TMEM156: variants seen among roughly 807,000 people sequenced by gnomAD.
TMEM156 encodes the protein transmembrane protein 156.
TMEM156 carries 28 observed loss-of-function variants against 30.5 expected under a neutral mutation model. The observed-to-expected ratio is 0.92, with a 90% CI of 0.68 to 1.26. The LOEUF is 1.26. TMEM156 is among the 50% of genes most tolerant of loss of function. The pLI is 0.00. For missense variants in TMEM156, 351 were observed against 340.6 expected (o/e 1.03, Z -0.24); for synonymous variants, 137 against 119.9 (o/e 1.14, Z -0.93).
At chr4:38,987,105 G>C (rs1186837156) in intron 4 of TMEM156, among the ~76,000 whole-genome samples, 1 of 151,978 alleles carries the variant, frequency 6.6e-6, no homozygotes, top group African/African-American at 2.4e-5. Context: ...ATTTTTTCTA[G>C]CTCACTTCTA....
chr4:38,968,885 CAACTTACAT>C (rs1722466451), intron 6 of TMEM156, among the ~76,000 whole-genome samples: 1 of 152,160 alleles, frequency 6.6e-6, no homozygotes, highest in Non-Finnish European at 1.5e-5. Flanking sequence ...CCTGGGAGGC[CAACTTACAT>C]AACTGCCTCC....
chr4:39,006,996 T>C (rs1401262934), intron 1 of TMEM156, among the ~76,000 whole-genome samples: 4 of 152,100 alleles, frequency 2.6e-5, no homozygotes, highest in Non-Finnish European at 5.9e-5. Flanking sequence ...CAGTACGATG[T>C]GTGGAACTAA....
intron 2 of TMEM156, among the ~76,000 whole-genome samples, chr4:38,996,501 G>A (rs1712948422): frequency 1.3e-5 from 2 of 152,052 alleles, no homozygotes; most frequent in Admixed American, 1.3e-4. Flanking sequence ...GAAACTAGGA[G>A]GCAGAGGTTG....
chr4:38,976,357 G>A (rs72493540), intron 5 of TMEM156, among the ~76,000 whole-genome samples: 34,574 of 151,024 alleles, frequency 0.23, 4,075 homozygotes, highest in Admixed American at 0.29. Context: ...GACTCCTGGT[G>A]GTGACTGCCA....
chr4:38,998,554 AAAG>A (rs1343028702), intron 2 of TMEM156, 83 bp downstream of exon 2: 2 of 1,283,408 alleles, frequency 1.6e-6, no homozygotes, highest in Admixed American at 3.3e-5. Flanking sequence ...AAAAAAAAAA[AAAG>A]AATATATTAT....
At chr4:39,013,758 TG>T (rs1714290632) in intron 1 of TMEM156, among the ~76,000 whole-genome samples, 1 of 152,162 alleles carries the variant, frequency 6.6e-6, no homozygotes, top group South Asian at 2.1e-4. Context: ...AACAGTCAAC[TG>T]AAAAATGGTA....
At chr4:39,001,314 GA>G (rs1713340511) in intron 1 of TMEM156, among the ~76,000 whole-genome samples, 1 of 150,566 alleles carries the variant, frequency 6.6e-6, no homozygotes, top group Admixed American at 6.6e-5. Context: ...GTGAACCCAG[GA>G]GGCAGATCTT....
At chr4:38,970,203 T>C (rs1722530619) in intron 6 of TMEM156, among the ~76,000 whole-genome samples, 1 of 152,056 alleles carries the variant, frequency 6.6e-6, no homozygotes, top group Non-Finnish European at 1.5e-5. Context: ...TCTCTGTCTC[T>C]CTGGGTTTCT....
At chr4:38,994,203 C>T (rs1712759571) in intron 2 of TMEM156, among the ~76,000 whole-genome samples, 1 of 152,138 alleles carries the variant, frequency 6.6e-6, no homozygotes, top group Non-Finnish European at 1.5e-5. Flanking sequence ...TGGCTCACTG[C>T]AGCCTCACCC....
chr4:38,991,935 T>A (rs944256139), intron 3 of TMEM156, among the ~76,000 whole-genome samples: 3 of 152,126 alleles, frequency 2.0e-5, no homozygotes, highest in Non-Finnish European at 4.4e-5. Context: ...TCTACTCAGA[T>A]CCTCTTCCAT....
At chr4:38,988,758 T>A in intron 4 of TMEM156, 93 bp downstream of exon 4, 2 of 1,485,044 alleles carry the variant, frequency 1.3e-6, no homozygotes, top group Non-Finnish European at 1.9e-6. Context: ...TTATTCACAG[T>A]AGGTGCACAA....
intron 2 of TMEM156, among the ~76,000 whole-genome samples, chr4:38,994,814 G>T (rs1305157657): frequency 6.6e-6 from 1 of 152,130 alleles, no homozygotes; most frequent in Non-Finnish European, 1.5e-5. Context: ...CAGGCGTGGT[G>T]ATGTGTGCCT....
chr4:38,997,187 G>A (rs1262484015), intron 2 of TMEM156, among the ~76,000 whole-genome samples: 1 of 152,142 alleles, frequency 6.6e-6, no homozygotes, highest in Non-Finnish European at 1.5e-5. Flanking sequence ...CATCATAGAG[G>A]CATTTTCACA....
chr4:38,996,059 G>A (rs1294475007), intron 2 of TMEM156, among the ~76,000 whole-genome samples: 2 of 151,984 alleles, frequency 1.3e-5, no homozygotes, highest in Non-Finnish European at 2.9e-5. Context: ...AAACACATCA[G>A]GAACTCCTAT....
At chr4:38,988,749 T>G in intron 4 of TMEM156, 102 bp downstream of exon 4, 1 of 1,451,470 alleles carries the variant, frequency 6.9e-7, no homozygotes, top group Non-Finnish European at 9.5e-7. Context: ...AATCACCACT[T>G]ATTCACAGTA....
chr4:38,992,710 TATTATATATATATAATATATATATAA>T (rs1712582256), intron 3 of TMEM156, among the ~76,000 whole-genome samples: 1 of 42,698 alleles, frequency 2.3e-5, no homozygotes, highest in African/African-American at 6.8e-5. Context: ...AATATATATA[TATTATATATATATAATATATATATAA>T]TATATAATAT....
At chr4:39,001,541 C>CT (rs201858136) in intron 1 of TMEM156, among the ~76,000 whole-genome samples, 18,705 of 144,452 alleles carry the variant, frequency 0.13, 1,243 homozygotes, top group East Asian at 0.21. Flanking sequence ...ATTACTTCTT[C>CT]TTTTTTTTTT....
At chr4:38,990,903 G>A (rs1208816024) in intron 3 of TMEM156, among the ~76,000 whole-genome samples, 3 of 126,094 alleles carry the variant, frequency 2.4e-5, no homozygotes, top group African/African-American at 3.1e-5. Context: ...GTGCGATCTC[G>A]GCTCACTGCA....
chr4:38,996,563 C>T (rs1278012801), intron 2 of TMEM156, among the ~76,000 whole-genome samples: 1 of 151,844 alleles, frequency 6.6e-6, no homozygotes, highest in African/African-American at 2.4e-5. Flanking sequence ...CAGAGTGAAA[C>T]TCCATCTCAA....
Sources: allele counts gnomAD v4.1 joint callset (sites outside exome capture counted in the v4.1 genomes callset), GRCh38; gene constraint gnomAD v4.1.1; transcripts MANE v1.5; gene names NCBI Gene and HGNC (gene_info 2026-07-23, HGNC 2026-07-21).